TCF12: variants seen among roughly 807,000 people sequenced by gnomAD.
The protein encoded by TCF12 is DNA-binding protein HTF4.
Under a neutral mutation model 86.0 loss-of-function variants are expected in TCF12, and 45 were observed. The observed-to-expected ratio is 0.52, with a 90% CI of 0.41 to 0.67. The LOEUF (loss-of-function observed/expected upper bound fraction) is 0.67. Among genes scored for constraint, TCF12 ranks in the 30% least tolerant of loss-of-function variants. The probability of loss-of-function intolerance (pLI) is 0.00; values close to 1 mark genes in which losing one functional copy is unlikely to be tolerated. For missense variants in TCF12, 881 were observed against 859.9 expected (o/e 1.02, Z -0.31); for synonymous variants, 330 against 299.6 (o/e 1.10, Z -1.05).
At chr15:57,038,976 A>G (rs2066704673) in intron 3 of TCF12, among the ~76,000 whole-genome samples, 1 of 152,208 alleles carries the variant, frequency 6.6e-6, no homozygotes, top group African/African-American at 2.4e-5. Context: ...TGAATGAGGA[A>G]AAATGAAAAG....
rs564222104 is a variant in TCF12 at position 57,236,331 on chromosome 15, A to G, written c.1035+2224A>G. 1.9e-3 allele frequency among the ~76,000 whole-genome samples: 283 copies of G among 152,316 alleles called. 1 individual carries two copies. The highest frequency in any genetic ancestry group is 6.6e-3 in the African/African-American group (273 of 41,578). On this transcript the variant is annotated intron_variant, in intron 12 of 20. Transcript: ENST00000333725. ...ACGTACTGAAAAAGAAAAACATTAC[A>G]TTATCTGGGGATAGGAAGGATTAGA...
intron 4 of TCF12, among the ~76,000 whole-genome samples, chr15:57,075,399 C>T (rs950110168): frequency 2.6e-5 from 4 of 152,040 alleles, no homozygotes; most frequent in Non-Finnish European, 5.9e-5. Context: ...TTTCCCAGCT[C>T]CTTTCATTCA....
Position 56,919,994 on chromosome 15 carries a change from A to G in TCF12, c.75+6A>G. 6.2e-7 allele frequency: 1 copy of G among 1,613,828 alleles called. No homozygotes were observed. Among genetic ancestry groups the G allele is most frequent in the Non-Finnish European group, 8.5e-7 (1 of 1,179,904 alleles). On this transcript the variant is annotated splice_donor_region_variant and intron_variant, in intron 2 of 20. Transcript: ENST00000333725. ...ACCTACTGGACTTCAGTGCGGTATG[A>G]GAGCTTTCCATGGCATCTTGGGGTT...
chr15:57,208,947 C>G (rs1190854953), intron 8 of TCF12, among the ~76,000 whole-genome samples: 1 of 152,058 alleles, frequency 6.6e-6, no homozygotes, highest in Non-Finnish European at 1.5e-5. Context: ...AACTCCTGGC[C>G]TCAAGTGATC....
intron 5 of TCF12, among the ~76,000 whole-genome samples, chr15:57,151,008 T>G (rs2151457004): frequency 6.6e-6 from 1 of 151,210 alleles, no homozygotes; most frequent in Middle Eastern, 3.4e-3. Flanking sequence ...GAGGCAGGTC[T>G]CTCTCTGTTA....
At chr15:57,066,441 A>T (rs1051515759) in intron 4 of TCF12, among the ~76,000 whole-genome samples, 2 of 152,190 alleles carry the variant, frequency 1.3e-5, no homozygotes, top group African/African-American at 4.8e-5. Context: ...GTAGTTGCAG[A>T]TACTTCAGTA....
intron 3 of TCF12, among the ~76,000 whole-genome samples, chr15:56,965,576 T>G (rs1401577301): frequency 3.9e-5 from 6 of 152,190 alleles, no homozygotes; most frequent in African/African-American, 1.2e-4. Flanking sequence ...TGCATGTATA[T>G]TATATCTGGA....
At chr15:57,160,975 C>T (rs182661877) in intron 5 of TCF12, among the ~76,000 whole-genome samples, 4 of 152,290 alleles carry the variant, frequency 2.6e-5, no homozygotes, top group Admixed American at 2.0e-4. Context: ...CAGGCATGAG[C>T]CACAGCACCC....
At chr15:57,148,249 T>C (rs147717845) in intron 5 of TCF12, among the ~76,000 whole-genome samples, 11 of 151,950 alleles carry the variant, frequency 7.2e-5, no homozygotes, top group African/African-American at 2.7e-4. Flanking sequence ...TTATTTTAGA[T>C]AGTTTAGTCA....
chr15:57,200,676 A>G (rs1412648892), intron 8 of TCF12, among the ~76,000 whole-genome samples: 1 of 152,248 alleles, frequency 6.6e-6, no homozygotes, highest in African/African-American at 2.4e-5. Flanking sequence ...CTTAGCATGC[A>G]AAGCATTGAT....
At chr15:56,984,131 C>T (rs1652739) in intron 3 of TCF12, among the ~76,000 whole-genome samples, 30,219 of 151,626 alleles carry the variant, frequency 0.2, 3,238 homozygotes, top group Non-Finnish European at 0.24. Context: ...TCTGTTTTCA[C>T]CTTTATGAAC....
intron 5 of TCF12, among the ~76,000 whole-genome samples, chr15:57,128,765 CA>C (rs1272393165): frequency 6.6e-6 from 1 of 152,188 alleles, no homozygotes; most frequent in Non-Finnish European, 1.5e-5. Context: ...CTGGATATTG[CA>C]TATAAATAGA....
At chr15:57,150,879 CT>C (rs2053693641) in intron 5 of TCF12, among the ~76,000 whole-genome samples, 1 of 41,918 alleles carries the variant, frequency 2.4e-5, no homozygotes, top group Non-Finnish European at 4.4e-5. Context: ...CTGTCCCTTC[CT>C]TCCTTCCTTC....
intron 6 of TCF12, among the ~76,000 whole-genome samples, chr15:57,179,886 G>A (rs1156250715): frequency 2.0e-5 from 3 of 151,822 alleles, no homozygotes; most frequent in African/African-American, 7.3e-5. Flanking sequence ...ATGAAATCTT[G>A]TCTTAGACAA....
intron 8 of TCF12, chr15:57,214,449 A>AT: frequency 6.6e-6 from 1 of 152,260 alleles, no homozygotes; most frequent in East Asian, 1.9e-4. Flanking sequence ...TCAAAAGGAA[A>AT]TTAATTGTTC....
chr15:56,964,236 G>C (rs570717473), intron 3 of TCF12, among the ~76,000 whole-genome samples: 30 of 152,196 alleles, frequency 2.0e-4, no homozygotes, highest in Non-Finnish European at 3.8e-4. Flanking sequence ...GGTAGAATCA[G>C]TGTGGTGTAA....
At chr15:57,047,918 A>C (rs1260182391) in intron 3 of TCF12, among the ~76,000 whole-genome samples, 1 of 152,218 alleles carries the variant, frequency 6.6e-6, no homozygotes. Context: ...CTTAGACTAC[A>C]AACCAGTACC....
chr15:57,170,725 TATATTATATATA>T (rs2055362535), intron 6 of TCF12, among the ~76,000 whole-genome samples: 7 of 1,754 alleles, frequency 4.0e-3, no homozygotes, highest in Non-Finnish European at 7.1e-3. Context: ...ATATATATTA[TATATTATATATA>T]ATATATATTA....
chr15:56,984,410 A>G (rs2063077069), intron 3 of TCF12, among the ~76,000 whole-genome samples: 1 of 151,944 alleles, frequency 6.6e-6, no homozygotes, highest in Admixed American at 6.6e-5. Flanking sequence ...CATGGTGTGA[A>G]ATAAGACCTT....
Sources: gnomAD v4.1 joint callset for allele counts (sites outside exome capture counted in the v4.1 genomes callset) on GRCh38, gnomAD v4.1.1 for gene constraint, MANE v1.5 for transcripts, NCBI Gene and HGNC (gene_info 2026-07-23, HGNC 2026-07-21) for gene names.